ITGAD: variants seen among roughly 807,000 people sequenced by gnomAD.
ITGAD encodes the protein integrin subunit alpha D.
In ITGAD, 105 loss-of-function variants were observed where a neutral mutation model predicts 139.0. That is an observed-to-expected ratio of 0.76 (90% confidence interval 0.65 to 0.89). ITGAD has a LOEUF of 0.89. ITGAD is among the 40% of genes least tolerant of loss of function. The probability of loss-of-function intolerance (pLI) is 0.00; values close to 1 mark genes in which losing one functional copy is unlikely to be tolerated. For synonymous variants in ITGAD, 569 were observed against 598.3 expected (o/e 0.95, Z 0.71); for missense variants, 1,384 against 1,487.3 (o/e 0.93, Z 1.14).
At chr16:31,412,689 CTCT>C (rs2081760641) in intron 14 of ITGAD, 146 bp from the exon 15 acceptor site, 13 of 963,358 alleles carry the variant, frequency 1.3e-5, no homozygotes, top group Non-Finnish European at 2.1e-5. Context: ...CTCCTACCTC[CTCT>C]TTTCAGGCTC....
intron 20 of ITGAD, 41 bp downstream of exon 20, chr16:31,416,687 CCT>C: frequency 6.4e-7 from 1 of 1,574,790 alleles, no homozygotes. Flanking sequence ...GGGCCTCTCC[CCT>C]GCCCTGTAGC....
intron 7 of ITGAD, 125 bp from the exon 8 acceptor site, chr16:31,407,390 A>T: frequency 1.1e-6 from 1 of 917,882 alleles, no homozygotes; most frequent in Non-Finnish European, 1.6e-6. Flanking sequence ...TCAATTCCTT[A>T]ACATGCCTGA....
chr16:31,419,152 CA>C (rs1293432165), intron 23 of ITGAD, among the ~76,000 whole-genome samples: 1 of 150,730 alleles, frequency 6.6e-6, no homozygotes, highest in Non-Finnish European at 1.5e-5. Flanking sequence ...GAGATTGTGC[CA>C]CTGCACTCCA....
At chr16:31,393,484 A>G in intron 1 of ITGAD, 93 bp downstream of exon 1, 1 of 1,374,752 alleles carries the variant, frequency 7.3e-7, no homozygotes. Context: ...GTCGGCTCCA[A>G]CCACTCTTAT....
Position 31,411,073 on chromosome 16 carries a change from C to T in ITGAD, c.1357-3C>T. ...GCAGCATGACCCAGGCTCTGCCCTC[C>T]AGATCGGCTCCTACTTCGGGGCCTC... On this transcript the variant is annotated splice_region_variant and splice_polypyrimidine_tract_variant and intron_variant, in intron 12 of 29. Coordinates refer to ENST00000389202, the MANE Select transcript of ITGAD (RefSeq NM_005353.3). 1 of 1,612,124 alleles carries T rather than the reference C, an allele frequency of 6.2e-7. No individual in the cohort carries two copies. Among genetic ancestry groups the T allele is most frequent in the Non-Finnish European group, 8.5e-7 (1 of 1,179,864 alleles).
rs373576252 is a variant in ITGAD, at chr16:31,401,592, G to A, written c.428-523G>A. Among the ~76,000 whole-genome samples the A allele has an allele frequency of 1.3e-5, 2 of 152,164 alleles. 1 individual carries two copies. Among genetic ancestry groups the A allele is most frequent in the African/African-American group, 4.8e-5 (2 of 41,442 alleles). On this transcript the variant is annotated intron_variant, in intron 5 of 29. Transcript: ENST00000389202. ...GGCACGTGGTGAGAATGGTGCCAGCGGCTGACCCTGGCAGAGGGCCAGGAC... is the reference window on the plus strand; with the variant it reads ...GGCACGTGGTGAGAATGGTGCCAGCAGCTGACCCTGGCAGAGGGCCAGGAC...
chr16:31,417,210 A>ATGTTTATT (rs1555487919), intron 20 of ITGAD, among the ~76,000 whole-genome samples: 1 of 122,826 alleles, frequency 8.1e-6, no homozygotes, highest in South Asian at 3.0e-4. Context: ...CGCCCAGCTA[A>ATGTTTATT]TATTTATTTA....
Position 31,397,440 on chromosome 16 carries a change from G to A in ITGAD, c.219G>A (p.Met73Ile), listed in dbSNP as rs1278216003. ...RLYDCAAATG[M>I]CQPIPLHIRP... ...ATGACTGCGCAGCTGCCACCGGCAT[G>A]TGCCAGCCCATCCCGCTGCACAGTG... The change falls in exon 3 of 30, where the codon ATG (methionine) becomes ATA (isoleucine). Residue 73 changes from methionine to isoleucine, a missense_variant. By Grantham distance (10) the Met-to-Ile change is conservative. Transcript: ENST00000389202. 6.3e-7 allele frequency: 1 copy of A among 1,599,624 alleles called. No individual in the cohort carries two copies. The highest frequency in any genetic ancestry group is 1.3e-5 in the African/African-American group (1 of 74,852).
In ITGAD at chr16:31,411,267, C is replaced by T. The variant is rs112371286; in HGVS notation, c.1498-41C>T. 1,442 of 1,607,146 alleles carry T rather than the reference C, an allele frequency of 9.0e-4. 16 individuals carry two copies. In the African/African-American group the frequency reaches 0.017, roughly 18 times the overall value. The stretch of plus-strand genomic sequence containing the variant: ...GGGTGGGGTCCGGTGTGAGTGGAGG[C>T]GTCACCTGGATTGGGGTCTGACACT... On this transcript the variant is annotated intron_variant, in intron 13 of 29. Coordinates refer to ENST00000389202, the MANE Select transcript of ITGAD (RefSeq NM_005353.3).
At chr16:31,423,704 G>A in intron 26 of ITGAD, 56 bp downstream of exon 26, 1 of 1,555,686 alleles carries the variant, frequency 6.4e-7, no homozygotes, top group East Asian at 2.3e-5. Context: ...GGGATACTGG[G>A]AAATGTACTG....
chr16:31,397,524 A>C, intron 3 of ITGAD, 62 bp downstream of exon 3: 1 of 1,588,060 alleles, frequency 6.3e-7, no homozygotes, highest in Non-Finnish European at 8.6e-7. Flanking sequence ...GCCCCCGCTT[A>C]GCTTCCAGTC....
At chr16:31,405,290 CTTCT>C (rs1016997228) in intron 7 of ITGAD, among the ~76,000 whole-genome samples, 14 of 152,194 alleles carry the variant, frequency 9.2e-5, no homozygotes, top group African/African-American at 3.4e-4. Context: ...CAGCCTCTTC[CTTCT>C]CTTTCTTTTC....
intron 5 of ITGAD, among the ~76,000 whole-genome samples, chr16:31,399,268 T>C (rs1053636670): frequency 7.9e-5 from 12 of 152,178 alleles, no homozygotes; most frequent in South Asian, 6.2e-4. Flanking sequence ...GTGAAAGGGA[T>C]TGAGGTGCAT....
Position 31,423,844 on chromosome 16 carries a change from G to A in ITGAD, c.3046-1G>A. 1.2e-6 allele frequency: 2 copies of A among 1,614,172 alleles called. No individual in the cohort carries two copies. The highest frequency in any genetic ancestry group is 1.7e-6 in the Non-Finnish European group (2 of 1,180,004). On this transcript the variant is annotated splice_acceptor_variant, in intron 26 of 29. Transcript: ENST00000389202. LOFTEE classifies it high-confidence loss of function. Reference sequence around the variant, plus strand: ...CAGTTTCACCCCTCTTCTGCCCCCAGGACTGCTCCATTGCTGACTGCCTGC... The same window carrying A: ...CAGTTTCACCCCTCTTCTGCCCCCAAGACTGCTCCATTGCTGACTGCCTGC...
chr16:31,410,915 T>C lies in ITGAD; in HGVS notation c.1356+37T>C, dbSNP rs778864847. On this transcript the variant is annotated intron_variant, in intron 12 of 29. Transcript: ENST00000389202. ...CAGGAGCCAGAGGGGAGGATGAGGGTGGGGAGGATGAGGGTGGGGACAGTG... is the reference window on the plus strand; with the variant it reads ...CAGGAGCCAGAGGGGAGGATGAGGGCGGGGAGGATGAGGGTGGGGACAGTG... 3 of 733,048 alleles carry C rather than the reference T, an allele frequency of 4.1e-6. No individual in the cohort carries two copies. In the South Asian group the frequency reaches 5.2e-5, roughly 13 times the overall value. The allele number at this position is 733,048 out of a possible 1,614,324, so 45.4% of individuals were successfully genotyped here. A position where few individuals can be genotyped will look rare whatever the true frequency, so the allele number is the denominator to read the frequency against.
At chr16:31,404,365 C>A (rs2081486115) in intron 7 of ITGAD, 1 of 151,678 alleles carries the variant, frequency 6.6e-6, no homozygotes, top group Admixed American at 6.6e-5. Context: ...GGTCGGGGAT[C>A]CTTGGCTTCC....
At chr16:31,407,732 G>T (rs750426048) in intron 8 of ITGAD, 34 bp from the exon 9 acceptor site, 1 of 1,613,526 alleles carries the variant, frequency 6.2e-7, no homozygotes, top group East Asian at 2.2e-5. Flanking sequence ...CAGTGCTGCT[G>T]GGCTCATCCT....
At chr16:31,417,256 T>TTTATTTA (rs1327888689) in intron 20 of ITGAD, among the ~76,000 whole-genome samples, 3 of 72,638 alleles carry the variant, frequency 4.1e-5, no homozygotes, top group Non-Finnish European at 9.3e-5. Context: ...TTATTTATTT[T>TTTATTTA]TTAGAGACAG....
intron 20 of ITGAD, 128 bp from the exon 21 acceptor site, chr16:31,417,947 A>T (rs377185739): frequency 2.2e-3 from 9 of 4,000 alleles, no homozygotes; most frequent in East Asian, 5.6e-3. Context: ...AATCCGTCTC[A>T]AAAAAAAACA....
Sources: allele counts gnomAD v4.1 joint callset (sites outside exome capture counted in the v4.1 genomes callset), GRCh38; gene constraint gnomAD v4.1.1; transcripts MANE v1.5; gene names NCBI Gene and HGNC (gene_info 2026-07-23, HGNC 2026-07-21).